TMPRSS13: variants seen among roughly 807,000 people sequenced by gnomAD.
TMPRSS13 encodes the protein transmembrane serine protease 13.
TMPRSS13 carries 50 observed loss-of-function variants against 68.4 expected under a neutral mutation model. That is an observed-to-expected ratio of 0.73 (90% CI 0.58 to 0.93). The LOEUF (loss-of-function observed/expected upper bound fraction) is 0.93. Among genes scored for constraint, TMPRSS13 ranks in the 40% least tolerant of loss-of-function variants. The pLI is 0.00. For synonymous variants in TMPRSS13, 267 were observed against 285.8 expected, an observed-to-expected ratio of 0.93 and a Z score of 0.66; for missense variants, 615 against 729.2, an observed-to-expected ratio of 0.84 and a Z score of 1.80.
intron 9 of TMPRSS13, 40 bp from the exon 10 acceptor site, chr11:117,905,776 T>A: frequency 6.6e-7 from 1 of 1,510,578 alleles, no homozygotes; most frequent in Non-Finnish European, 9.0e-7. Flanking sequence ...GGAACAAGGC[T>A]GAGACTTTCA....
At chr11:117,907,714 T>C (rs1050319367) in intron 9 of TMPRSS13, 2 of 812,082 alleles carry the variant, frequency 2.5e-6, no homozygotes, top group African/African-American at 3.7e-5. Flanking sequence ...GAGCTTCCCC[T>C]AGCCTGCCAG....
rs3839950 is a variant in TMPRSS13, at chr11:117,902,072, G to GCACACACACACACA, written c.*153_*166dup. The stretch of plus-strand genomic sequence containing the variant: ...TGGGAGAGTGGCAATGCACACATAT[G>GCACACACACACACA]CACACACACACACACACACACACAC... On this transcript the variant is annotated 3_prime_UTR_variant, in exon 13 of 13. Transcript: ENST00000524993. 1.9e-5 allele frequency: 12 copies of GCACACACACACACA among 647,200 alleles called. No homozygotes were observed. Among genetic ancestry groups the GCACACACACACACA allele is most frequent in the Middle Eastern group, 4.2e-4 (1 of 2,396 alleles). 40.1% of individuals were successfully genotyped at this position (647,200 alleles called of 1,614,324 possible).
Position 117,915,412 on chromosome 11 carries a change from G to T in TMPRSS13, c.557-898C>A, listed in dbSNP as rs1293192229. On this transcript the variant is annotated intron_variant, in intron 3 of 12. Transcript: ENST00000524993. This position sits in a 1 kb window ranked among gnomAD's most constrained non-coding sequence, Gnocchi z 4.9. ...CCATCACCCAGGGTAAAGGCCGCCC[G>T]GGTGTGACTGCTCCTTCCAGGTCCA... is the stretch of plus-strand genomic sequence containing the variant. 6.6e-6 allele frequency among the ~76,000 whole-genome samples: 1 copy of T among 152,186 alleles called. No homozygotes were observed. The highest frequency in any genetic ancestry group is 1.5e-5 in the Non-Finnish European group (1 of 68,030).
intron 6 of TMPRSS13, among the ~76,000 whole-genome samples, chr11:117,910,952 T>C (rs1262259216): frequency 9.9e-5 from 15 of 152,198 alleles, no homozygotes; most frequent in Non-Finnish European, 1.5e-4. Flanking sequence ...AGTGGCTCAG[T>C]GCAAACCATC....
rs1294360589 is a variant in TMPRSS13 at position 117,914,759 on chromosome 11, A to AAG, written c.557-247_557-246dup. Among the ~76,000 whole-genome samples, 2 of 152,034 alleles carry AAG rather than the reference A, an allele frequency of 1.3e-5. No homozygotes were observed. The highest frequency in any genetic ancestry group is 2.9e-5 in the Non-Finnish European group (2 of 67,928). On this transcript the variant is annotated intron_variant, in intron 3 of 12. Transcript: ENST00000524993. This position sits in a 1 kb window ranked among gnomAD's most constrained non-coding sequence, Gnocchi z 4.2. ...AGCCAGCCACCCAGAAAGAGAGAGA[A>AAG]AGAGAGAGAGAGACAGAGAGTGCTG...
At chr11:117,925,227 A>G (rs17597688) in intron 1 of TMPRSS13, among the ~76,000 whole-genome samples, 11,960 of 152,234 alleles carry the variant, frequency 0.079, 576 homozygotes, top group East Asian at 0.23. Context: ...CAGCGGAGTC[A>G]ACATAACATT....
chr11:117,908,748 G>C lies in TMPRSS13; in HGVS notation c.1146C>G (p.Tyr382Ter). 1 of 1,609,536 alleles carries C rather than the reference G, an allele frequency of 6.2e-7. No homozygotes were observed. Among genetic ancestry groups the C allele is most frequent in the Non-Finnish European group, 8.5e-7 (1 of 1,178,756 alleles). The change falls in exon 9 of 13, where the codon TAC becomes TAG. Residue 382 changes from tyrosine (Y) to a stop codon, truncating the protein, a stop_gained. Coordinates refer to ENST00000524993, the MANE Select transcript of TMPRSS13 (RefSeq NM_001077263.3). LOFTEE classifies it high-confidence loss of function. Reference sequence around the variant, plus strand: ...ACTGGTGCAGGTTGCTGGTGCCCGCGTACACCTTCCAGCCCTCCAGGACCT... The same window carrying C: ...ACTGGTGCAGGTTGCTGGTGCCCGCCTACACCTTCCAGCCCTCCAGGACCT... ...REKVLEGWKVYAGTSNLHQLP... is the reference protein window; with the variant it reads ...REKVLEGWKV
intron 1 of TMPRSS13, 110 bp from the exon 2 acceptor site, chr11:117,918,948 G>A (rs1044603712): frequency 5.5e-6 from 8 of 1,444,308 alleles, no homozygotes; most frequent in Non-Finnish European, 7.5e-6. Flanking sequence ...GCTAGGGGTT[G>A]AGCAAAGCCC....
Position 117,914,546 on chromosome 11 carries a change from G to T in TMPRSS13, c.557-32C>A. On this transcript the variant is annotated intron_variant, in intron 3 of 12. Coordinates refer to ENST00000524993, the MANE Select transcript of TMPRSS13 (RefSeq NM_001077263.3). The surrounding 1 kb of genome is among the most constrained non-coding windows in gnomAD (Gnocchi z 4.2). ...AAAAAGAAGCAGACAGCTGGGTCAT[G>T]GCCAGCCCCACTGAGATGAGACACT... The T allele has an allele frequency of 6.2e-7, 1 of 1,611,600 alleles. No individual in the cohort carries two copies. The highest frequency in any genetic ancestry group is 1.1e-5 in the South Asian group (1 of 91,042).
chr11:117,902,960 C>T, intron 12 of TMPRSS13: 1 of 1,013,648 alleles, frequency 9.9e-7, no homozygotes, highest in Non-Finnish European at 1.2e-6. Context: ...AAGGCACACA[C>T]TGAAGGGTCT....
intron 6 of TMPRSS13, among the ~76,000 whole-genome samples, chr11:117,911,128 G>A (rs568541616): frequency 7.9e-5 from 12 of 152,318 alleles, no homozygotes; most frequent in East Asian, 1.9e-4. Flanking sequence ...CAGAAACCAC[G>A]CAGCACAGAG....
chr11:117,908,673 G>T lies in TMPRSS13; in HGVS notation c.1221C>A (p.Thr407=). 6.3e-7 allele frequency: 1 copy of T among 1,593,532 alleles called. No individual in the cohort carries two copies. The highest frequency in any genetic ancestry group is 1.1e-5 in the South Asian group (1 of 86,996). ...IAEIIINSNY[T]DEEDDYDIAL... ...CGATGTCATAGTCGTCCTCCTCATC[G>T]GTGTAATTGCTGTTGATGATGATCT... The change falls in exon 9 of 13, where the codon ACC becomes ACA. Residue 407 remains threonine, a synonymous_variant. Transcript: ENST00000524993.
At chr11:117,913,950 A>G in intron 4 of TMPRSS13, 44 bp from the exon 5 acceptor site, 1 of 1,601,476 alleles carries the variant, frequency 6.2e-7, no homozygotes, top group Non-Finnish European at 8.5e-7. Context: ...AGCACCTAGG[A>G]AGCATCAAGC....
chr11:117,917,445 T>C (rs1336232080), intron 2 of TMPRSS13, among the ~76,000 whole-genome samples, 171 bp from the exon 3 acceptor site: 1 of 152,140 alleles, frequency 6.6e-6, no homozygotes, highest in East Asian at 1.9e-4. Flanking sequence ...AATGAATGAA[T>C]TTTGTCCCAT....
In TMPRSS13 at chr11:117,918,820, T is replaced by C. The variant is rs1167306082; in HGVS notation, c.40A>G (p.Thr14Ala). The part of the protein sequence containing the change: ...DSHGNASPAR[T>A]PSAGASPAQA... ...GCTGGAGATGCTCCAGCTGAAGGTG[T>C]TCTTGCTGGAGATGCATTCTGAAAG... Residue 14 changes from threonine (T) to alanine (A), a missense_variant, in exon 2 of 13, where the codon ACA (threonine) becomes GCA (alanine). Transcript: ENST00000524993. 1 of 1,613,626 alleles carries C rather than the reference T, an allele frequency of 6.2e-7. No homozygotes were observed. Among genetic ancestry groups the C allele is most frequent in the Admixed American group, 1.7e-5 (1 of 60,014 alleles).
Position 117,929,343 on chromosome 11 carries a change from A to T in TMPRSS13, c.-36T>A. ...GGGAAGAGTCCTCCAGGCTTAGCTG[A>T]TGTCGAGGAGAAGATCCATCTTGGT... On this transcript the variant is annotated 5_prime_UTR_variant, in exon 1 of 13. Coordinates refer to ENST00000524993, the MANE Select transcript of TMPRSS13 (RefSeq NM_001077263.3). 1.3e-6 allele frequency: 2 copies of T among 1,599,850 alleles called. No homozygotes were observed. Among genetic ancestry groups the T allele is most frequent in the Non-Finnish European group, 1.7e-6 (2 of 1,172,652 alleles).
In TMPRSS13 at chr11:117,914,616, C is replaced by T; in HGVS notation, c.557-102G>A. The T allele has an allele frequency of 1.3e-6, 2 of 1,550,740 alleles. No homozygotes were observed. The highest frequency in any genetic ancestry group is 1.7e-6 in the Non-Finnish European group (2 of 1,151,742). On this transcript the variant is annotated intron_variant, in intron 3 of 12. Transcript: ENST00000524993. The surrounding 1 kb of genome is among the most constrained non-coding windows in gnomAD (Gnocchi z 4.2). ...GGGTTCTGAGACACCGACCTGCAAT[C>T]CCTCTTGAACTCTGGGGCTCTCATC...
intron 1 of TMPRSS13, among the ~76,000 whole-genome samples, chr11:117,925,368 A>G (rs1170894937): frequency 6.6e-6 from 1 of 152,198 alleles, no homozygotes; most frequent in African/African-American, 2.4e-5. Context: ...GTTAGACCAG[A>G]ATCAAGACGC....
chr11:117,916,944 A>G (rs1204737851), intron 3 of TMPRSS13, among the ~76,000 whole-genome samples: 1 of 152,184 alleles, frequency 6.6e-6, no homozygotes, highest in Non-Finnish European at 1.5e-5. Flanking sequence ...CACAGATGAG[A>G]GCCAAGCTCA....
Sources: allele counts gnomAD v4.1 joint callset (sites outside exome capture counted in the v4.1 genomes callset), GRCh38; gene constraint gnomAD v4.1.1; non-coding constraint Gnocchi (gnomAD v3.1); transcripts MANE v1.5; gene names NCBI Gene and HGNC (gene_info 2026-07-23, HGNC 2026-07-21).